Variants in RGSL1 observed in about 807,000 individuals in gnomAD.
RGSL1 encodes regulator of G protein signaling protein-like.
A neutral mutation model predicts 124.7 loss-of-function variants in RGSL1; 97 were observed. The observed-to-expected ratio is 0.78, with a 90% CI of 0.66 to 0.92. The LOEUF is 0.92. Among genes scored for constraint, RGSL1 ranks in the 40% least tolerant of loss-of-function variants. The pLI, the probability that RGSL1 is intolerant of heterozygous loss-of-function variation, is 0.00. For missense variants in RGSL1, 1,233 were observed against 1,288.4 expected, an observed-to-expected ratio of 0.96 and a Z score of 0.66; for synonymous variants, 424 against 438.1, an observed-to-expected ratio of 0.97 and a Z score of 0.40.
intron 9 of RGSL1, among the ~76,000 whole-genome samples, chr1:182,519,800 CTAGTTCAACA>C (rs1186997861): frequency 2.6e-5 from 4 of 151,992 alleles, no homozygotes; most frequent in Non-Finnish European, 5.9e-5. Flanking sequence ...CATCTAACTC[CTAGTTCAACA>C]ATTTTCTCTT....
intron 9 of RGSL1, among the ~76,000 whole-genome samples, chr1:182,516,992 G>A (rs1272608358): frequency 6.6e-6 from 1 of 152,022 alleles, no homozygotes; most frequent in African/African-American, 2.4e-5. Flanking sequence ...ATTTTTTCAT[G>A]TTAGTGTTTT....
At chr1:182,448,785 T>G (rs1291428265), upstream of RGSL1, among the ~76,000 whole-genome samples, 1 of 152,194 alleles carries the variant, frequency 6.6e-6, no homozygotes, top group Non-Finnish European at 1.5e-5. Context: ...ATTTAGCCAG[T>G]GATACTGGCT....
rs1658856661 is a variant in RGSL1 at position 182,527,714 on chromosome 1, T to G, written c.2067T>G (p.Ile689Met). Residue 689 changes from isoleucine to methionine, a missense_variant, in exon 11 of 22, where the codon ATT becomes ATG. By Grantham distance (10) the Ile-to-Met change is conservative. Coordinates refer to ENST00000294854, the MANE Select transcript of RGSL1 (RefSeq NM_001137669.2). ...TCAGTATAGAGACCAATGAAAAGAT[T>G]TGCAAGTCTCTCATAGAAAATGTAA... ...QKISIETNEK[I>M]CKSLIENVIK... 1 of 1,551,236 alleles carries G rather than the reference T, an allele frequency of 6.4e-7. No individual in the cohort carries two copies. The highest frequency in any genetic ancestry group is 8.7e-7 in the Non-Finnish European group (1 of 1,146,718).
At position 182,454,040 on chromosome 1, in the gene RGSL1, G is replaced by T. The variant is rs775476884; in HGVS notation, c.96G>T (p.Pro32=). 2 of 1,490,158 alleles carry T rather than the reference G, an allele frequency of 1.3e-6. No individual in the cohort carries two copies. Among genetic ancestry groups the T allele is most frequent in the Non-Finnish European group, 1.8e-6 (2 of 1,091,304 alleles). 92.3% of individuals were successfully genotyped at this position (1,490,158 alleles called of 1,614,324 possible). A position where few individuals can be genotyped will look rare whatever the true frequency, so the allele number is the denominator to read the frequency against. Residue 32 remains proline (P), a splice_region_variant and synonymous_variant, in exon 2 of 22, where the codon CCG becomes CCT. Transcript: ENST00000294854. ...TTTTCAACACATTTCTTTCCCTCCC[G>T]GTAAGCATTCTCAGATTTAAATACA... ...ADFFNTFLSL[P]VFGQTPFYTV...
intron 14 of RGSL1, among the ~76,000 whole-genome samples, chr1:182,535,752 C>G (rs573568043): frequency 3.3e-5 from 5 of 152,152 alleles, no homozygotes; most frequent in Non-Finnish European, 5.9e-5. Context: ...GCTTTGTTTT[C>G]TTTTCTTCCC....
chr1:182,509,755 C>T (rs1312996565), intron 9 of RGSL1, among the ~76,000 whole-genome samples: 16 of 134,714 alleles, frequency 1.2e-4, no homozygotes, highest in Admixed American at 2.8e-4. Flanking sequence ...CACGGCTGGC[C>T]GGGTGGGGGG....
At position 182,474,235 on chromosome 1, in the gene RGSL1, G is replaced by A; in HGVS notation, c.1124G>A (p.Cys375Tyr). The A allele has an allele frequency of 1.3e-6, 2 of 1,551,920 alleles. No individual in the cohort carries two copies. Residue 375 changes from cysteine (C) to tyrosine (Y), a missense_variant, in exon 6 of 22, where the codon TGT becomes TAT. Cys to Tyr is a radical substitution (Grantham distance 194). Coordinates refer to ENST00000294854, the MANE Select transcript of RGSL1 (RefSeq NM_001137669.2). ...FSLGYIHLAL[C>Y]ADACAGNPFR... ...TTAGGATACATCCACTTGGCCTTGT[G>A]TGCTGATGCCTGTGCAGGGAACCCT... is the stretch of plus-strand genomic sequence containing the variant.
chr1:182,475,232 A>T (rs932010222), intron 6 of RGSL1, among the ~76,000 whole-genome samples: 1 of 152,244 alleles, frequency 6.6e-6, no homozygotes, highest in Admixed American at 6.5e-5. Context: ...TTACTAGACT[A>T]GCCATCAAGG....
chr1:182,469,180 C>CA (rs1653608552), intron 4 of RGSL1, among the ~76,000 whole-genome samples: 2 of 151,834 alleles, frequency 1.3e-5, no homozygotes, highest in Non-Finnish European at 2.9e-5. Context: ...CATAAAAAAT[C>CA]AAAAAACTTG....
chr1:182,498,016 T>G (rs1656058937), intron 9 of RGSL1, among the ~76,000 whole-genome samples: 1 of 152,146 alleles, frequency 6.6e-6, no homozygotes, highest in African/African-American at 2.4e-5. Flanking sequence ...GATCTTCCCT[T>G]TGATCATTTG....
chr1:182,497,228 AAGAT>A (rs66530449), intron 9 of RGSL1, among the ~76,000 whole-genome samples: 9,064 of 146,742 alleles, frequency 0.062, 384 homozygotes, highest in South Asian at 0.18. Flanking sequence ...AAGAGATAGA[AAGAT>A]AGATAGATAG....
chr1:182,494,868 T>A (rs371791942), intron 9 of RGSL1, among the ~76,000 whole-genome samples: 1 of 152,208 alleles, frequency 6.6e-6, no homozygotes, highest in Non-Finnish European at 1.5e-5. Flanking sequence ...ATAGAACTAG[T>A]AGATCTCATC....
intron 20 of RGSL1, chr1:182,555,553 A>G (rs1033836227): frequency 6.2e-6 from 1 of 161,698 alleles, no homozygotes; most frequent in African/African-American, 2.4e-5. Context: ...ACAAGCTTCC[A>G]AGTGAAACTG....
chr1:182,483,262 G>GA (rs969003314), intron 6 of RGSL1, among the ~76,000 whole-genome samples: 28 of 146,760 alleles, frequency 1.9e-4, no homozygotes, highest in African/African-American at 3.7e-4. Flanking sequence ...TACCACAAAA[G>GA]AAAAAAAAAA....
chr1:182,554,653 A>G lies in RGSL1; in HGVS notation c.3157A>G (p.Arg1053Gly), dbSNP rs1264471796. 1 of 1,551,690 alleles carries G rather than the reference A, an allele frequency of 6.4e-7. No homozygotes were observed. The highest frequency in any genetic ancestry group is 1.2e-5 in the South Asian group (1 of 84,062). The change falls in exon 20 of 22, where the codon AGA (arginine) becomes GGA (glycine). Residue 1053 changes from arginine (R) to glycine (G), a missense_variant. Transcript: ENST00000294854. ...NSSSSKLTQPRLVVSAMQLHP... is the reference protein window; with the variant it reads ...NSSSSKLTQPGLVVSAMQLHP... ...TTCATCAAGCAAACTTACTCAGCCAAGACTCGTGGTATCTGCCATGCAGCT... is the reference window on the plus strand; with the variant it reads ...TTCATCAAGCAAACTTACTCAGCCAGGACTCGTGGTATCTGCCATGCAGCT...
rs1459809040 is a variant in RGSL1, at chr1:182,530,245, A to G, written c.2127A>G (p.Glu709=). ...KTFFQGQLSP[E]EMLQCDAPII... is the part of the protein sequence containing the mutation. ...TCTTTTCTCTCTTGCATTTTCTAGA[A>G]GAAATGCTGCAGTGTGATGCCCCTA... The change falls in exon 12 of 22, where the codon GAA becomes GAG. Residue 709 remains glutamate (E), a splice_region_variant and synonymous_variant. Transcript: ENST00000294854. 1.9e-6 allele frequency: 3 copies of G among 1,546,846 alleles called. No homozygotes were observed. In the Admixed American group the frequency reaches 5.9e-5, roughly 31 times the overall value.
rs2102343926 is a variant in RGSL1, at chr1:182,556,080, A to G, written c.*23A>G. On this transcript the variant is annotated 3_prime_UTR_variant, in exon 21 of 22. Coordinates refer to ENST00000294854, the MANE Select transcript of RGSL1 (RefSeq NM_001137669.2). ...TAATCAAGCGAGACCCCCAGCAGAG[A>G]TAAATCATCTCTTAGAGGCCTCCTA... 6.5e-7 allele frequency: 1 copy of G among 1,549,684 alleles called. No individual in the cohort carries two copies. Among genetic ancestry groups the G allele is most frequent in the Non-Finnish European group, 8.7e-7 (1 of 1,145,394 alleles).
chr1:182,507,837 G>A (rs1478342265), intron 9 of RGSL1, among the ~76,000 whole-genome samples: 1 of 151,920 alleles, frequency 6.6e-6, no homozygotes, highest in African/African-American at 2.4e-5. Context: ...TCAAGTAGTT[G>A]GGACCACAGG....
At chr1:182,535,179 T>C (rs910557875) in intron 14 of RGSL1, among the ~76,000 whole-genome samples, 14 of 152,288 alleles carry the variant, frequency 9.2e-5, no homozygotes, top group Non-Finnish European at 1.2e-4. Context: ...GGTGCCCCTC[T>C]TCAATAGAAC....
Sources: gnomAD v4.1 joint callset for allele counts (sites outside exome capture counted in the v4.1 genomes callset) on GRCh38, gnomAD v4.1.1 for gene constraint, MANE v1.5 for transcripts, NCBI Gene and HGNC (gene_info 2026-07-23, HGNC 2026-07-21) for gene names.